OR8B3: variants seen among roughly 807,000 people sequenced by gnomAD.
OR8B3 encodes olfactory receptor 8B3.
For missense variants in OR8B3, 278 were observed against 377.6 expected, an observed-to-expected ratio of 0.74 and a Z score of 2.19; for synonymous variants, 102 against 135.4, an observed-to-expected ratio of 0.75 and a Z score of 1.71.
the OR8B3 span, among the ~76,000 whole-genome samples, chr11:124,406,165 A>G: frequency 6.6e-6 from 1 of 152,208 alleles, no homozygotes; most frequent in Non-Finnish European, 1.5e-5. Context: ...AAGTCTTTGT[A>G]GCTACTTTGT....
chr11:124,409,776 T>C, the OR8B3 span, among the ~76,000 whole-genome samples: 1 of 152,200 alleles, frequency 6.6e-6, no homozygotes, highest in Non-Finnish European at 1.5e-5. Flanking sequence ...CTTAGAGACT[T>C]AGCCAGAGGA....
Position 124,396,601 on chromosome 11 carries a change from A to C in OR8B3, c.751T>G (p.Phe251Val), listed in dbSNP as rs371097205. 102 of 1,612,714 alleles carry C rather than the reference A, an allele frequency of 6.3e-5. No homozygotes were observed. Among genetic ancestry groups the C allele is most frequent in the Non-Finnish European group, 7.6e-5 (90 of 1,179,494 alleles). The change falls in exon 2 of 2, where the codon TTT becomes GTT. Residue 251 changes from phenylalanine (F) to valine (V), a missense_variant. Physicochemically the swap from Phe to Val is conservative, Grantham distance 50 (BLOSUM62 -1). Transcript: ENST00000641139. ...CSSHVIALSL[F>V]FGSAAFMYIK... ...TACATGAATGCCGCTGACCCAAAAA[A>C]CAGAGACAGAGCAATGACATGAGAG... is the stretch of plus-strand genomic sequence containing the variant.
the OR8B3 span, among the ~76,000 whole-genome samples, chr11:124,409,481 ATTAG>A: frequency 2.6e-5 from 4 of 152,262 alleles, no homozygotes; most frequent in Non-Finnish European, 4.4e-5. Context: ...CCAGTTACCC[ATTAG>A]TTGTGCAATT....
Sources: allele counts gnomAD v4.1 joint callset (sites outside exome capture counted in the v4.1 genomes callset), GRCh38; gene constraint gnomAD v4.1.1; transcripts MANE v1.5; gene names NCBI Gene and HGNC (gene_info 2026-07-23, HGNC 2026-07-21).